The following ATP6V0B variants were observed in gnomAD, a reference collection of about 807,000 sequenced individuals.
The protein encoded by ATP6V0B is V-type proton ATPase 21 kDa proteolipid subunit c''.
ATP6V0B carries 4 observed loss-of-function variants against 26.2 expected under a neutral mutation model. The observed-to-expected ratio is 0.15, with a 90% CI of 0.08 to 0.35. ATP6V0B has a LOEUF of 0.35. Ranked by LOEUF, ATP6V0B falls within the 10% of genes least tolerant of loss-of-function variation. The probability of loss-of-function intolerance (pLI) is 1.00; values close to 1 mark genes in which losing one functional copy is unlikely to be tolerated. For synonymous variants in ATP6V0B, 110 were observed against 105.8 expected, an observed-to-expected ratio of 1.04 and a Z score of -0.24; for missense variants, 175 against 272.5, an observed-to-expected ratio of 0.64 and a Z score of 2.52.
Position 43,976,224 on chromosome 1 carries a change from G to C in ATP6V0B, c.200+51G>C. On this transcript the variant is annotated intron_variant, in intron 3 of 7. Coordinates refer to ENST00000472174, the MANE Select transcript of ATP6V0B (RefSeq NM_004047.5). The surrounding 1 kb of genome is among the most constrained non-coding windows in gnomAD (Gnocchi z 4.6). ...GGGCAGGGGCTGAGTCATGGCAGGT[G>C]GTGTCACTGGGGTCTTAGGCATGCT... The C allele has an allele frequency of 6.2e-7, 1 of 1,609,150 alleles. No individual in the cohort carries two copies. The highest frequency in any genetic ancestry group is 1.3e-5 in the African/African-American group (1 of 74,934).
Position 43,978,090 on chromosome 1 carries a change from T to C in ATP6V0B, c.*83T>C. The stretch of plus-strand genomic sequence containing the variant: ...CAGCTGGAGCTGTGTCCCTTAGCCT[T>C]TCAGAGGCTTGGTGTTCAGGGCCCT... On this transcript the variant is annotated 3_prime_UTR_variant, in exon 8 of 8. Transcript: ENST00000472174. 6.3e-7 allele frequency: 1 copy of C among 1,590,768 alleles called. No individual in the cohort carries two copies. Among genetic ancestry groups the C allele is most frequent in the Non-Finnish European group, 8.6e-7 (1 of 1,159,270 alleles).
chr1:43,975,163 G>A (rs1045119218), intron 1 of ATP6V0B, 56 bp downstream of exon 1: 2 of 1,403,786 alleles, frequency 1.4e-6, no homozygotes, highest in African/African-American at 3.0e-5. Context: ...GGCCGGGTCG[G>A]AACTCGGCGG....
In ATP6V0B at chr1:43,976,664, G is replaced by C; in HGVS notation, c.348+5G>C. On this transcript the variant is annotated splice_donor_5th_base_variant and intron_variant, in intron 5 of 7. Coordinates refer to ENST00000472174, the MANE Select transcript of ATP6V0B (RefSeq NM_004047.5). This position sits in a 1 kb window ranked among gnomAD's most constrained non-coding sequence, Gnocchi z 4.6. ...GTCATTAGCAACATGGCTGAGGTAT[G>C]GAAGGCCAGGGTGGTGGCGGGAATC... The C allele has an allele frequency of 6.2e-7, 1 of 1,614,184 alleles. No individual in the cohort carries two copies. The highest frequency in any genetic ancestry group is 8.5e-7 in the Non-Finnish European group (1 of 1,180,032).
rs1016111717 is a variant in ATP6V0B at position 43,976,308 on chromosome 1, C to T, written c.207C>T (p.Ile69=). Residue 69 remains isoleucine (I), a synonymous_variant, in exon 4 of 8, where the codon ATC becomes ATT. Coordinates refer to ENST00000472174, the MANE Select transcript of ATP6V0B (RefSeq NM_004047.5). The surrounding 1 kb of genome is among the most constrained non-coding windows in gnomAD (Gnocchi z 4.6). The part of the protein sequence containing the change: ...SLSVVGAAWG[I]YITGSSIIGG... Reference sequence around the variant, plus strand: ...TTTTTTATCCTTCCACCAGGGGCATCTATATTACCGGCTCCTCCATCATTG... The same window carrying T: ...TTTTTTATCCTTCCACCAGGGGCATTTATATTACCGGCTCCTCCATCATTG... The T allele has an allele frequency of 2.5e-6, 4 of 1,613,718 alleles. No individual in the cohort carries two copies. In the African/African-American group the frequency reaches 4.0e-5, roughly 16 times the overall value.
chr1:43,975,051 T>G lies in ATP6V0B; in HGVS notation c.11T>G (p.Leu4Arg), dbSNP rs1195729509. 6.6e-6 allele frequency: 9 copies of G among 1,363,462 alleles called. No homozygotes were observed. Among genetic ancestry groups the G allele is most frequent in the Non-Finnish European group, 8.5e-6 (9 of 1,059,356 alleles). 84.5% of individuals were successfully genotyped at this position (1,363,462 alleles called of 1,614,324 possible). ...GCCGCCGTCGCCGCCATGACGGGGCTAGCACTGCTCTACTCCGGGGTCTTC... is the reference window on the plus strand; with the variant it reads ...GCCGCCGTCGCCGCCATGACGGGGCGAGCACTGCTCTACTCCGGGGTCTTC... MTG[L>R]ALLYSGVFVA... Residue 4 changes from leucine to arginine, a missense_variant, in exon 1 of 8, where the codon CTA (leucine) becomes CGA (arginine). Leu to Arg is a moderately radical substitution (Grantham distance 102, BLOSUM62 -2). This residue lies in a region of ATP6V0B where 75 missense variants were observed against 94.7 expected (regional missense o/e 0.79). Transcript: ENST00000472174.
In ATP6V0B at chr1:43,978,183, G is replaced by A. The variant is rs955205593; in HGVS notation, c.*176G>A. ...CAGTCCAGGCCGAGTCCTCAGTGCG[G>A]GGAGCAGGCTGCTGCTGCTGACTCT... On this transcript the variant is annotated 3_prime_UTR_variant, in exon 8 of 8. Transcript: ENST00000472174. 5.7e-6 allele frequency: 5 copies of A among 875,182 alleles called. No homozygotes were observed. Among genetic ancestry groups the A allele is most frequent in the Non-Finnish European group, 7.3e-6 (4 of 547,084 alleles). 54.2% of individuals were successfully genotyped at this position (875,182 alleles called of 1,614,324 possible).
chr1:43,975,982 G>A, intron 2 of ATP6V0B, 108 bp from the exon 3 acceptor site: 1 of 1,519,620 alleles, frequency 6.6e-7, no homozygotes, highest in Non-Finnish European at 9.1e-7. Context: ...GCGGTCAGTT[G>A]TTGCCTGTAG....
Position 43,977,120 on chromosome 1 carries a change from C to G in ATP6V0B, c.495C>G (p.Ala165=). Residue 165 remains alanine, a synonymous_variant, in exon 7 of 8, where the codon GCC becomes GCG. Transcript: ENST00000472174. The part of the protein sequence containing the change: ...VGIVGSGAAL[A]DAQNPSLFVK... ...TCGTGGGCAGTGGGGCTGCCCTGGC[C>G]GATGCTCAGAACCCCAGCCTCTTTG... 6.2e-7 allele frequency: 1 copy of G among 1,614,206 alleles called. No homozygotes were observed. The highest frequency in any genetic ancestry group is 8.5e-7 in the Non-Finnish European group (1 of 1,180,042).
intron 7 of ATP6V0B, 161 bp downstream of exon 7, chr1:43,977,377 G>C: frequency 6.5e-7 from 1 of 1,527,702 alleles, no homozygotes; most frequent in Middle Eastern, 1.7e-4. Flanking sequence ...TCCTACAGGG[G>C]CTCTCTATTT....
At chr1:43,975,385 C>T (rs898558304) in intron 1 of ATP6V0B, 1 of 562,270 alleles carries the variant, frequency 1.8e-6, no homozygotes, top group Admixed American at 3.5e-5. Context: ...CACTGCTGTC[C>T]CCCCTTTCTT....
Position 43,976,589 on chromosome 1 carries a change from G to C in ATP6V0B, c.279-1G>C. 6.2e-7 allele frequency: 1 copy of C among 1,614,074 alleles called. No homozygotes were observed. The highest frequency in any genetic ancestry group is 8.5e-7 in the Non-Finnish European group (1 of 1,179,996). On this transcript the variant is annotated splice_acceptor_variant, in intron 4 of 7. Coordinates refer to ENST00000472174, the MANE Select transcript of ATP6V0B (RefSeq NM_004047.5). LOFTEE classifies it high-confidence loss of function. The surrounding 1 kb of genome is among the most constrained non-coding windows in gnomAD (Gnocchi z 4.6). ...TTACCCCTAATCTCTACCACTACCAGCATCATCTTCTGTGAGGCTGTGGCC... is the reference window on the plus strand; with the variant it reads ...TTACCCCTAATCTCTACCACTACCACCATCATCTTCTGTGAGGCTGTGGCC...
chr1:43,977,809 G>A, intron 7 of ATP6V0B, 172 bp from the exon 8 acceptor site: 9 of 1,561,234 alleles, frequency 5.8e-6, no homozygotes, highest in Non-Finnish European at 7.8e-6. Context: ...GCGTAACTCT[G>A]TGGTTGTCTG....
In ATP6V0B at chr1:43,975,066, C is replaced by G. The variant is rs2085501654; in HGVS notation, c.26C>G (p.Ser9Cys). The change falls in exon 1 of 8, where the codon TCC (serine) becomes TGC (cysteine). Residue 9 changes from serine to cysteine, a missense_variant. Ser to Cys is a moderately radical substitution (Grantham distance 112, BLOSUM62 -1). This residue lies in a region of ATP6V0B where 75 missense variants were observed against 94.7 expected (regional missense o/e 0.79). Transcript: ENST00000472174. ...ATGACGGGGCTAGCACTGCTCTACT[C>G]CGGGGTCTTCGTGGCCTTCTGGGCC... is the stretch of plus-strand genomic sequence containing the variant. Reference protein sequence around the residue: MTGLALLYSGVFVAFWACA... With the variant: MTGLALLYCGVFVAFWACA... The G allele has an allele frequency of 1.4e-6, 2 of 1,399,468 alleles. No individual in the cohort carries two copies. The highest frequency in any genetic ancestry group is 3.4e-5 in the Admixed American group (1 of 29,422). 86.7% of individuals were successfully genotyped at this position (1,399,468 alleles called of 1,614,324 possible).
intron 7 of ATP6V0B, chr1:43,977,435 CCT>C: frequency 6.8e-7 from 1 of 1,462,898 alleles, no homozygotes; most frequent in Non-Finnish European, 9.0e-7. Flanking sequence ...CTTTTTCCCC[CCT>C]TTCTAATGCG....
At position 43,975,574 on chromosome 1, in the gene ATP6V0B, C is replaced by T. The variant is rs1571793824; in HGVS notation, c.68-226C>T. 5 of 603,046 alleles carry T rather than the reference C, an allele frequency of 8.3e-6. No homozygotes were observed. In the East Asian group the frequency reaches 1.5e-4, roughly 18 times the overall value. The allele number at this position is 603,046 out of a possible 1,614,324, so 37.4% of individuals were successfully genotyped here. The stretch of plus-strand genomic sequence containing the variant: ...TCGGATTCGGGCTTGCGGGTGGCGA[C>T]CCTGCCTGCGCAGGTGCTTGGTCTG... On this transcript the variant is annotated intron_variant, in intron 1 of 7. Transcript: ENST00000472174.
In ATP6V0B at chr1:43,976,675, G is replaced by T; in HGVS notation, c.348+16G>T. The T allele has an allele frequency of 1.2e-6, 2 of 1,614,080 alleles. No homozygotes were observed. Among genetic ancestry groups the T allele is most frequent in the South Asian group, 1.1e-5 (1 of 91,054 alleles). ...CATGGCTGAGGTATGGAAGGCCAGG[G>T]TGGTGGCGGGAATCCATTCCAGTGT... On this transcript the variant is annotated intron_variant, in intron 5 of 7. Coordinates refer to ENST00000472174, the MANE Select transcript of ATP6V0B (RefSeq NM_004047.5). This position sits in a 1 kb window ranked among gnomAD's most constrained non-coding sequence, Gnocchi z 4.6.
At chr1:43,975,706 G>C (rs2085512275) in intron 1 of ATP6V0B, 94 bp from the exon 2 acceptor site, 1 of 1,441,316 alleles carries the variant, frequency 6.9e-7, no homozygotes, top group Non-Finnish European at 9.7e-7. Flanking sequence ...GCCCCTTCAG[G>C]GAGGTGGCCC....
intron 1 of ATP6V0B, chr1:43,975,367 C>A (rs917943545): frequency 2.8e-5 from 16 of 571,372 alleles, no homozygotes; most frequent in African/African-American, 2.6e-4. Context: ...CCCCTCGCTC[C>A]CACGTCTCAC....
chr1:43,977,483 G>A, intron 7 of ATP6V0B: 1 of 1,428,876 alleles, frequency 7.0e-7, no homozygotes, highest in Non-Finnish European at 9.1e-7. Flanking sequence ...CCCTCTTTCT[G>A]TTCTCTCATT....
Sources: allele counts gnomAD v4.1 joint callset, GRCh38; gene constraint gnomAD v4.1.1; regional missense constraint gnomAD v4.1.1; non-coding constraint Gnocchi (gnomAD v3.1); transcripts MANE v1.5; gene names NCBI Gene and HGNC (gene_info 2026-07-23, HGNC 2026-07-21).